Variants in ZNF624 observed in about 807,000 individuals in gnomAD.
ZNF624 encodes the protein zinc finger protein 624.
ZNF624 carries 43 observed loss-of-function variants against 74.7 expected under a neutral mutation model. The ratio of observed to expected loss-of-function variants is 0.58; its 90% confidence interval spans 0.45 to 0.74. ZNF624 has a LOEUF of 0.74. Ranked by LOEUF, ZNF624 falls within the 30% of genes least tolerant of loss-of-function variation. ZNF624 has a pLI of 0.00. For synonymous variants in ZNF624, 331 were observed against 341.3 expected, an observed-to-expected ratio of 0.97 and a Z score of 0.33; for missense variants, 820 against 1,030.0, an observed-to-expected ratio of 0.80 and a Z score of 2.79.
At chr17:16,624,623 C>T in intron 5 of ZNF624, 114 bp from the exon 6 acceptor site, 1 of 991,590 alleles carries the variant, frequency 1.0e-6, no homozygotes, top group Non-Finnish European at 1.4e-6. Flanking sequence ...GTTTTAATTG[C>T]TTTCACACTG....
At chr17:16,638,787 C>CA (rs1400203364) in intron 3 of ZNF624, among the ~76,000 whole-genome samples, 1 of 152,030 alleles carries the variant, frequency 6.6e-6, no homozygotes, top group Non-Finnish European at 1.5e-5. Context: ...AGCACACCAA[C>CA]ATGGCACATG....
chr17:16,624,343 AT>A lies in ZNF624; in HGVS notation c.542del (p.Asn181IlefsTer6). ...WNDRILRLQN[N>X]QENHLSQRII... ...TTCTTTGACTCAAATGATTCTCCTG[AT>A]TATTTTGTAATCTCAATATCCTATC... On this transcript the variant is annotated frameshift_variant, in exon 6 of 6. Coordinates refer to ENST00000311331, the MANE Select transcript of ZNF624 (RefSeq NM_020787.4). LOFTEE classifies it high-confidence loss of function. 5 of 1,613,614 alleles carry A rather than the reference AT, an allele frequency of 3.1e-6. No homozygotes were observed. Among genetic ancestry groups the A allele is most frequent in the Non-Finnish European group, 4.2e-6 (5 of 1,179,894 alleles).
At chr17:16,617,815 T>G (rs568466985), downstream of ZNF624, 2,726 of 1,611,964 alleles carry the variant, frequency 1.7e-3, 2 homozygotes, top group Non-Finnish European at 2.1e-3. Flanking sequence ...CCATAGCCAC[T>G]GAAAAAGCGC....
At chr17:16,616,812 T>G (rs1457810305), downstream of ZNF624, 1 of 950,490 alleles carries the variant, frequency 1.1e-6, no homozygotes, top group Non-Finnish European at 1.6e-6. Flanking sequence ...AGGAAAGTGT[T>G]CCATAATAGT....
At chr17:16,620,709 G>A (rs1177570330), downstream of ZNF624, 15 of 152,066 alleles carry the variant, frequency 9.9e-5, no homozygotes, top group Admixed American at 9.8e-4. Flanking sequence ...CACATTGAAG[G>A]TGTCCAATAA....
intron 3 of ZNF624, among the ~76,000 whole-genome samples, chr17:16,643,237 A>T (rs921820956): frequency 6.6e-6 from 1 of 152,254 alleles, no homozygotes; most frequent in Non-Finnish European, 1.5e-5. Flanking sequence ...ATGTATTAGC[A>T]TCATTATTAA....
At chr17:16,643,032 G>C (rs917305353) in intron 3 of ZNF624, among the ~76,000 whole-genome samples, 14 of 152,202 alleles carry the variant, frequency 9.2e-5, no homozygotes, top group African/African-American at 3.4e-4. Context: ...ATCAAGCGTT[G>C]TTGAAGAAGT....
intron 1 of ZNF624, among the ~76,000 whole-genome samples, chr17:16,653,021 C>G (rs1276274718): frequency 4.6e-5 from 7 of 152,206 alleles, no homozygotes; most frequent in Non-Finnish European, 1.0e-4. Context: ...CTATTGCAAA[C>G]GTATCCAGAG....
chr17:16,631,395 C>T (rs549579078), intron 5 of ZNF624: 1 of 152,204 alleles, frequency 6.6e-6, no homozygotes, highest in Admixed American at 6.5e-5. Flanking sequence ...AAAACTCAAA[C>T]ATACAAGAAA....
chr17:16,626,751 C>CAAAT (rs1378931930), intron 5 of ZNF624, among the ~76,000 whole-genome samples: 14 of 151,804 alleles, frequency 9.2e-5, no homozygotes, highest in Non-Finnish European at 1.6e-4. Context: ...AACCCTGTCT[C>CAAAT]AAATAAATAA....
chr17:16,622,541 C>T lies in ZNF624; in HGVS notation c.2345G>A (p.Cys782Tyr). The T allele has an allele frequency of 6.2e-7, 1 of 1,613,926 alleles. No homozygotes were observed. Among genetic ancestry groups the T allele is most frequent in the Admixed American group, 1.7e-5 (1 of 60,012 alleles). ...RTHTGEKPYT[C>Y]KECGKGCITL... ...AATACAACCCTTTCCACATTCCTTA[C>T]AGGTGTAGGGTTTTTCTCCAGTGTG... is the stretch of plus-strand genomic sequence containing the variant. The change falls in exon 6 of 6, where the codon TGT (cysteine) becomes TAT (tyrosine). Residue 782 changes from cysteine to tyrosine, a missense_variant. Coordinates refer to ENST00000311331, the MANE Select transcript of ZNF624 (RefSeq NM_020787.4).
Position 16,633,912 on chromosome 17 carries a change from C to G in ZNF624, c.326G>C (p.Gly109Ala), listed in dbSNP as rs1420191437. Residue 109 changes from glycine (G) to alanine (A), a missense_variant, in exon 5 of 6, where the codon GGG becomes GCG. Transcript: ENST00000311331. Reference sequence around the variant, plus strand: ...TCTCACCGTCACCCATGGTCCTTTCCCATTCTCCAAATGAGATATCATGTC... The same window carrying G: ...TCTCACCGTCACCCATGGTCCTTTCGCATTCTCCAAATGAGATATCATGTC... ...KPDMISHLEN[G>A]KGPWVTVREI... 1 of 1,613,486 alleles carries G rather than the reference C, an allele frequency of 6.2e-7. No individual in the cohort carries two copies. Among genetic ancestry groups the G allele is most frequent in the African/African-American group, 1.3e-5 (1 of 74,882 alleles).
At chr17:16,617,715 T>C, downstream of ZNF624, 1 of 1,604,960 alleles carries the variant, frequency 6.2e-7, no homozygotes, top group Non-Finnish European at 8.5e-7. Flanking sequence ...CTCCTCGCTG[T>C]TCAGCTCGTA....
chr17:16,618,932 T>C (rs1443291490), downstream of ZNF624, among the ~76,000 whole-genome samples: 1 of 152,224 alleles, frequency 6.6e-6, no homozygotes, highest in Non-Finnish European at 1.5e-5. Flanking sequence ...TCAAAAGTTA[T>C]ACAATGATTC....
downstream of ZNF624, chr17:16,617,836 TCTC>T: frequency 6.2e-7 from 1 of 1,611,624 alleles, no homozygotes; most frequent in East Asian, 2.2e-5. Context: ...TGGATGGCCT[TCTC>T]CTGGACGTTG....
At chr17:16,633,038 G>A (rs1041530328) in intron 5 of ZNF624, among the ~76,000 whole-genome samples, 18 of 152,056 alleles carry the variant, frequency 1.2e-4, no homozygotes, top group South Asian at 2.1e-4. Flanking sequence ...TTCAGGTCTC[G>A]GCTTAAATGT....
At chr17:16,649,863 C>A (rs1597500416) in intron 1 of ZNF624, 117 bp from the exon 2 acceptor site, 2 of 750,030 alleles carry the variant, frequency 2.7e-6, no homozygotes, top group East Asian at 5.3e-5. Context: ...CAAGAGTAAC[C>A]CTTAAGATCA....
At position 16,623,265 on chromosome 17, in the gene ZNF624, A is replaced by C; in HGVS notation, c.1621T>G (p.Ser541Ala). 2 of 1,613,990 alleles carry C rather than the reference A, an allele frequency of 1.2e-6. No homozygotes were observed. Among genetic ancestry groups the C allele is most frequent in the Non-Finnish European group, 1.7e-6 (2 of 1,179,898 alleles). The change falls in exon 6 of 6, where the codon TCA becomes GCA. Residue 541 changes from serine to alanine, a missense_variant. Transcript: ENST00000311331. This position sits in a 1 kb window ranked among gnomAD's most constrained non-coding sequence, Gnocchi z 5.3. ...NECGKAFINY[S>A]CLTVHHRMHT... ...ATTCTGTGGTGTACAGTAAGGCATG[A>C]ATAATTAATGAATGCTTTCCCACAT...
chr17:16,623,284 C>G lies in ZNF624; in HGVS notation c.1602G>C (p.Gly534=). Reference sequence around the variant, plus strand: ...GGCATGAATAATTAATGAATGCTTTCCCACATTCATTACATTTATAGGGTT... The same window carrying G: ...GGCATGAATAATTAATGAATGCTTTGCCACATTCATTACATTTATAGGGTT... The part of the protein sequence containing the change: ...GEKPYKCNEC[G]KAFINYSCLT... The change falls in exon 6 of 6, where the codon GGG becomes GGC. Residue 534 remains glycine, a synonymous_variant. Transcript: ENST00000311331. This position sits in a 1 kb window ranked among gnomAD's most constrained non-coding sequence, Gnocchi z 5.3. The G allele has an allele frequency of 6.2e-7, 1 of 1,613,848 alleles. No homozygotes were observed. The highest frequency in any genetic ancestry group is 8.5e-7 in the Non-Finnish European group (1 of 1,179,848).
Sources: allele counts gnomAD v4.1 joint callset (sites outside exome capture counted in the v4.1 genomes callset), GRCh38; gene constraint gnomAD v4.1.1; non-coding constraint Gnocchi (gnomAD v3.1); transcripts MANE v1.5; gene names NCBI Gene and HGNC (gene_info 2026-07-23, HGNC 2026-07-21).